Variants in THSD4 observed in about 807,000 individuals in gnomAD.
THSD4 encodes thrombospondin type-1 domain-containing protein 4.
Under a neutral mutation model 119.0 loss-of-function variants are expected in THSD4, and 69 were observed. That is an observed-to-expected ratio of 0.58 (90% CI 0.48 to 0.71). THSD4 has a LOEUF of 0.71. Ranked by LOEUF, THSD4 falls within the 30% of genes least tolerant of loss-of-function variation. The pLI, the probability that THSD4 is intolerant of heterozygous loss-of-function variation, is 0.00. For synonymous variants in THSD4, 524 were observed against 540.4 expected (o/e 0.97, Z 0.42); for missense variants, 1,393 against 1,391.1 (o/e 1.00, Z -0.02).
At chr15:71,496,453 T>G (rs1445745960) in intron 7 of THSD4, among the ~76,000 whole-genome samples, 2 of 152,200 alleles carry the variant, frequency 1.3e-5, no homozygotes, top group East Asian at 3.9e-4. Flanking sequence ...TTCCTCAGTC[T>G]TTTTGTTCTA....
intron 7 of THSD4, among the ~76,000 whole-genome samples, chr15:71,459,160 C>CTTTTTTT (rs372209662): frequency 0.016 from 2,020 of 128,748 alleles, 52 homozygotes; most frequent in Non-Finnish European, 0.021. Context: ...TTCTTTTTTT[C>CTTTTTTT]TTTTTTTTTT....
At chr15:71,547,252 T>G in intron 7 of THSD4, 3 of 1,409,996 alleles carry the variant, frequency 2.1e-6, no homozygotes, top group Non-Finnish European at 2.8e-6. Flanking sequence ...GAGGCTGAGC[T>G]CGAAGCGCCG....
chr15:71,424,613 C>T (rs1337656556), intron 7 of THSD4, among the ~76,000 whole-genome samples: 1 of 152,150 alleles, frequency 6.6e-6, no homozygotes, highest in African/African-American at 2.4e-5. Flanking sequence ...AGAGAGGTCT[C>T]AGAGACACTC....
intron 6 of THSD4, among the ~76,000 whole-genome samples, chr15:71,283,128 C>T (rs981933665): frequency 6.6e-6 from 1 of 152,190 alleles, no homozygotes; most frequent in Middle Eastern, 3.4e-3. Flanking sequence ...TGCCACCACA[C>T]CCGGTTAATG....
intron 7 of THSD4, 78 bp downstream of exon 7, chr15:71,411,901 A>T: frequency 6.3e-7 from 1 of 1,579,628 alleles, no homozygotes; most frequent in Non-Finnish European, 8.6e-7. Context: ...CCAGGGAGAG[A>T]CTAGGCTGCT....
intron 11 of THSD4, among the ~76,000 whole-genome samples, chr15:71,740,824 C>T (rs1350659259): frequency 6.6e-6 from 1 of 152,186 alleles, no homozygotes; most frequent in Non-Finnish European, 1.5e-5. Context: ...TGCTCGTACT[C>T]CAAGCTCTGA....
Position 71,676,040 on chromosome 15 carries a change from G to A in THSD4, c.1357+15306G>A, listed in dbSNP as rs188265571. On this transcript the variant is annotated intron_variant, in intron 8 of 17. Coordinates refer to ENST00000261862, the MANE Select transcript of THSD4 (RefSeq NM_024817.3). ...GGAATCCTTGGGCTAAATCTCCATA[G>A]TTATTATCTTAGTCACTAGACTTGC... 2.0e-5 allele frequency among the ~76,000 whole-genome samples: 3 copies of A among 152,276 alleles called. No individual in the cohort carries two copies. The East Asian group carries it at 5.8e-4, about 29-fold the overall frequency.
intron 7 of THSD4, among the ~76,000 whole-genome samples, chr15:71,482,313 C>T (rs1165402795): frequency 5.3e-4 from 43 of 81,370 alleles, no homozygotes; most frequent in African/African-American, 1.5e-3. Flanking sequence ...TTTTTTGAGA[C>T]GGAGTCTTGC....
intron 6 of THSD4, among the ~76,000 whole-genome samples, chr15:71,382,858 A>G (rs1002682477): frequency 6.6e-6 from 1 of 152,230 alleles, no homozygotes; most frequent in African/African-American, 2.4e-5. Flanking sequence ...GCAGAAGTAT[A>G]TATACTCTAA....
Position 71,263,331 on chromosome 15 carries a change from G to GTATATATATATATATATA in THSD4, c.1015+6632_1015+6633insTATATATATATATATATA, listed in dbSNP as rs60448462. Among the ~76,000 whole-genome samples, 168 of 138,872 alleles carry GTATATATATATATATATA rather than the reference G, an allele frequency of 1.2e-3. 5 individuals are homozygous for GTATATATATATATATATA. The highest frequency in any genetic ancestry group is 3.1e-3 in the African/African-American group (118 of 37,474). 91.1% of individuals were successfully genotyped at this position (138,872 alleles called of 152,430 possible). On this transcript the variant is annotated intron_variant, in intron 6 of 17. Coordinates refer to ENST00000261862, the MANE Select transcript of THSD4 (RefSeq NM_024817.3). The stretch of plus-strand genomic sequence containing the variant: ...TTTTATGGCTGCATAGTATTCCATG[G>GTATATATATATATATATA]TATATATATATATATACGACATTTT...
intron 8 of THSD4, among the ~76,000 whole-genome samples, chr15:71,664,810 G>T (rs377197339): frequency 7.9e-5 from 12 of 152,128 alleles, no homozygotes; most frequent in African/African-American, 2.9e-4. Context: ...CCATGTTCCT[G>T]CAAAGGACAT....
intron 6 of THSD4, among the ~76,000 whole-genome samples, chr15:71,274,389 C>A (rs555049510): frequency 6.6e-6 from 1 of 152,126 alleles, no homozygotes; most frequent in Non-Finnish European, 1.5e-5. Context: ...ACAGACAAGA[C>A]CTGTGTAGAT....
intron 3 of THSD4, chr15:71,164,760 T>C: frequency 1.9e-6 from 3 of 1,593,500 alleles, no homozygotes; most frequent in Non-Finnish European, 2.6e-6. Context: ...AAAACTGCGC[T>C]AGAACCAACT....
intron 1 of THSD4, among the ~76,000 whole-genome samples, chr15:71,131,669 G>A (rs757873055): frequency 5.9e-5 from 9 of 152,138 alleles, no homozygotes; most frequent in Non-Finnish European, 1.2e-4. Flanking sequence ...ACACTGGCTA[G>A]TTTTTCACCA....
intron 7 of THSD4, among the ~76,000 whole-genome samples, chr15:71,542,739 T>C (rs1327481080): frequency 6.6e-6 from 1 of 151,956 alleles, no homozygotes; most frequent in Non-Finnish European, 1.5e-5. Context: ...TAGCTGGGTA[T>C]GGTGGCGGGC....
chr15:71,584,685 A>C (rs1477247075), intron 7 of THSD4, among the ~76,000 whole-genome samples: 1 of 152,206 alleles, frequency 6.6e-6, no homozygotes, highest in Non-Finnish European at 1.5e-5. Context: ...TCTTTTGATT[A>C]GATAATTTAA....
In THSD4 at chr15:71,547,404, G is replaced by A. The variant is rs1392957590; in HGVS notation, c.1153-113126G>A. The A allele has an allele frequency of 5.2e-6, 8 of 1,550,234 alleles. No homozygotes were observed. The East Asian group carries it at 9.8e-5, about 19-fold the overall frequency. On this transcript the variant is annotated intron_variant, in intron 7 of 17. Coordinates refer to ENST00000261862, the MANE Select transcript of THSD4 (RefSeq NM_024817.3). ...TCCTCTAGGGTAGTTCTAACTTTGG[G>A]TAATAATGTTTGTCAGCTACCTGAT...
chr15:71,369,983 T>C (rs868022549), intron 6 of THSD4, among the ~76,000 whole-genome samples: 2 of 152,308 alleles, frequency 1.3e-5, no homozygotes, highest in Middle Eastern at 3.4e-3. Context: ...TATTTAGGGA[T>C]TCAACTTCTT....
intron 6 of THSD4, among the ~76,000 whole-genome samples, chr15:71,392,971 G>A (rs748764630): frequency 3.3e-5 from 5 of 152,168 alleles, no homozygotes; most frequent in Admixed American, 1.3e-4. Context: ...AGAGGGAGCC[G>A]GGACTGCTGA....
Sources: gnomAD v4.1 joint callset for allele counts (sites outside exome capture counted in the v4.1 genomes callset) on GRCh38, gnomAD v4.1.1 for gene constraint, MANE v1.5 for transcripts, NCBI Gene and HGNC (gene_info 2026-07-23, HGNC 2026-07-21) for gene names.